FREM1: variants seen among roughly 807,000 people sequenced by gnomAD.
The protein encoded by FREM1 is FRAS1-related extracellular matrix protein 1.
A neutral mutation model predicts 210.1 loss-of-function variants in FREM1; 220 were observed. The observed-to-expected ratio is 1.05, with a 90% CI of 0.94 to 1.17. FREM1 has a LOEUF of 1.17. Ranked by LOEUF, FREM1 falls within the 50% of genes most tolerant of loss-of-function variation. The pLI is 0.00. For synonymous variants in FREM1, 1,189 were observed against 980.2 expected (o/e 1.21, Z -3.98); for missense variants, 3,454 against 2,675.5 (o/e 1.29, Z -6.42).
intron 19 of FREM1, among the ~76,000 whole-genome samples, chr9:14,803,657 C>A (rs1022350157): frequency 7.9e-5 from 12 of 152,136 alleles, no homozygotes; most frequent in Non-Finnish European, 1.6e-4. Context: ...GCGTGAGCCA[C>A]CATGCCTGGC....
chr9:14,804,606 C>A (rs1309936920), intron 19 of FREM1, among the ~76,000 whole-genome samples: 1 of 151,726 alleles, frequency 6.6e-6, no homozygotes, highest in African/African-American at 2.4e-5. Flanking sequence ...AACAAAAAAA[C>A]CATGACTACT....
At chr9:14,757,107 AAAC>A (rs1227536756) in intron 28 of FREM1, among the ~76,000 whole-genome samples, 6 of 152,188 alleles carry the variant, frequency 3.9e-5, no homozygotes, top group African/African-American at 9.7e-5. Flanking sequence ...AGGTGTTTTA[AAAC>A]AACAACAACA....
chr9:14,769,363 G>A (rs756129339), intron 27 of FREM1, among the ~76,000 whole-genome samples: 10 of 152,112 alleles, frequency 6.6e-5, no homozygotes, highest in South Asian at 2.1e-4. Flanking sequence ...TTGCTAACAC[G>A]GTCCTAGAGT....
chr9:14,873,409 T>C (rs1162336387), intron 1 of FREM1, among the ~76,000 whole-genome samples: 1 of 152,244 alleles, frequency 6.6e-6, no homozygotes, highest in Non-Finnish European at 1.5e-5. Flanking sequence ...AGGGTGTATG[T>C]GTCGAGGAAT....
At chr9:14,766,650 T>C (rs1355701347) in intron 27 of FREM1, among the ~76,000 whole-genome samples, 1 of 152,184 alleles carries the variant, frequency 6.6e-6, no homozygotes, top group Non-Finnish European at 1.5e-5. Flanking sequence ...GTCAAGATTC[T>C]GAATTTTCCA....
chr9:14,847,316 G>C (rs1213497628), intron 7 of FREM1, among the ~76,000 whole-genome samples: 1 of 151,666 alleles, frequency 6.6e-6, no homozygotes, highest in Non-Finnish European at 1.5e-5. Flanking sequence ...TTTTAGTATA[G>C]GGTTAGTACA....
At chr9:14,757,691 G>C (rs765828105) in intron 28 of FREM1, among the ~76,000 whole-genome samples, 2 of 152,160 alleles carry the variant, frequency 1.3e-5, no homozygotes, top group Non-Finnish European at 2.9e-5. Flanking sequence ...ATATATTTCT[G>C]TACCTTCTGA....
intron 5 of FREM1, among the ~76,000 whole-genome samples, chr9:14,856,772 G>A (rs899681850): frequency 1.3e-5 from 2 of 150,058 alleles, no homozygotes; most frequent in Non-Finnish European, 2.9e-5. Flanking sequence ...GGCAGAGCTT[G>A]CAGTGAGCCG....
At chr9:14,849,116 G>C (rs1827201923) in intron 6 of FREM1, among the ~76,000 whole-genome samples, 1 of 152,146 alleles carries the variant, frequency 6.6e-6, no homozygotes, top group South Asian at 2.1e-4. Context: ...TAGAGAAGTG[G>C]TTTTCAACTA....
chr9:14,860,990 TACATATATATAC>T (rs1830157163), intron 3 of FREM1, among the ~76,000 whole-genome samples: 2 of 116,276 alleles, frequency 1.7e-5, no homozygotes, highest in East Asian at 2.2e-4. Flanking sequence ...TACACATATA[TACATATATATAC>T]ACATATATAC....
intron 10 of FREM1, among the ~76,000 whole-genome samples, chr9:14,833,415 G>T (rs552483894): frequency 6.6e-6 from 1 of 152,270 alleles, no homozygotes; most frequent in African/African-American, 2.4e-5. Flanking sequence ...CTACACCCAG[G>T]GATGGTCGAG....
Position 14,769,823 on chromosome 9 carries a change from T to C in FREM1, c.5105A>G (p.Lys1702Arg). The change falls in exon 27 of 37, where the codon AAG becomes AGG. Residue 1702 changes from lysine to arginine, a missense_variant. By Grantham distance (26) the Lys-to-Arg change is conservative (BLOSUM62 2). Transcript: ENST00000380880. ...EKFSQKDLNS[K>R]TILYIINPSL... ...TGGGTTTATGATGTAAAGAATAGTC[T>C]TACTGTTTAAGTCCTTTTGGCTAAA... 3 of 1,603,598 alleles carry C rather than the reference T, an allele frequency of 1.9e-6. No homozygotes were observed. The highest frequency in any genetic ancestry group is 1.7e-6 in the Non-Finnish European group (2 of 1,173,474).
chr9:14,808,140 AGACACAACTATAGCT>A lies in FREM1; in HGVS notation c.2894-21_2894-7del. 1.3e-6 allele frequency: 2 copies of A among 1,576,964 alleles called. No homozygotes were observed. The highest frequency in any genetic ancestry group is 1.7e-6 in the Non-Finnish European group (2 of 1,159,926). ...CATCAGGCCAATCTCGCCACCTGGA[AGACACAACTATAGCT>A]GAAACCTGCCTTTTAAAAAATATAG... On this transcript the variant is annotated splice_polypyrimidine_tract_variant and splice_region_variant and intron_variant, in intron 16 of 36. Coordinates refer to ENST00000380880, the MANE Select transcript of FREM1 (RefSeq NM_001379081.2).
chr9:14,859,737 T>C (rs940693867), intron 3 of FREM1, among the ~76,000 whole-genome samples: 1 of 152,232 alleles, frequency 6.6e-6, no homozygotes, highest in Non-Finnish European at 1.5e-5. Flanking sequence ...AAACTCATCA[T>C]GCACGTGGAT....
At chr9:14,759,613 G>T (rs567156913) in intron 28 of FREM1, among the ~76,000 whole-genome samples, 159 bp downstream of exon 28, 2 of 151,906 alleles carry the variant, frequency 1.3e-5, no homozygotes, top group Admixed American at 6.6e-5. Context: ...TGGATGGAGG[G>T]CCAAGGAGGT....
chr9:14,737,165 T>A lies in FREM1; in HGVS notation c.*231A>T, dbSNP rs1471247776. On this transcript the variant is annotated 3_prime_UTR_variant, in exon 37 of 37. Coordinates refer to ENST00000380880, the MANE Select transcript of FREM1 (RefSeq NM_001379081.2). ...CAAACCTTACACTTTATAATACTGC[T>A]GGCATTTATTTTAAAAGGTATTGAG... 4.6e-6 allele frequency: 2 copies of A among 431,920 alleles called. No homozygotes were observed. Among genetic ancestry groups the A allele is most frequent in the Non-Finnish European group, 8.1e-6 (2 of 245,900 alleles). The allele number at this position is 431,920 out of a possible 1,614,324, so 26.8% of individuals were successfully genotyped here.
intron 10 of FREM1, among the ~76,000 whole-genome samples, chr9:14,834,790 T>C (rs1345612296): frequency 6.6e-6 from 1 of 152,186 alleles, no homozygotes; most frequent in Non-Finnish European, 1.5e-5. Flanking sequence ...TCAAAAATTG[T>C]ATGGGTTTTC....
In FREM1 at chr9:14,812,950, C is replaced by T. The variant is rs763212598; in HGVS notation, c.2755G>A (p.Val919Met). Residue 919 changes from valine to methionine, a missense_variant, in exon 16 of 37, where the codon GTG becomes ATG. By Grantham distance (21) the Val-to-Met change is conservative. Transcript: ENST00000380880. ...ITSEYIFATD[V>M]DSDNLKLMFV... Reference sequence around the variant, plus strand: ...ATCAACTTCAAGTTATCGCTGTCCACATCAGTAGCAAAAATGTATTCAGAG... The same window carrying T: ...ATCAACTTCAAGTTATCGCTGTCCATATCAGTAGCAAAAATGTATTCAGAG... 9.9e-6 allele frequency: 16 copies of T among 1,613,966 alleles called. No individual in the cohort carries two copies. In the South Asian group the frequency reaches 1.5e-4, roughly 16 times the overall value.
chr9:14,799,286 C>CAA (rs976865147), intron 20 of FREM1, among the ~76,000 whole-genome samples: 6 of 125,688 alleles, frequency 4.8e-5, no homozygotes, highest in Admixed American at 1.6e-4. Flanking sequence ...ACCCTGTCTC[C>CAA]AAAAAAAAAA....
Sources: allele counts gnomAD v4.1 joint callset (sites outside exome capture counted in the v4.1 genomes callset), GRCh38; gene constraint gnomAD v4.1.1; transcripts MANE v1.5; gene names NCBI Gene and HGNC (gene_info 2026-07-23, HGNC 2026-07-21).